HOOK2: variants seen among roughly 807,000 people sequenced by gnomAD.
The protein encoded by HOOK2 is hook microtubule tethering protein 2, also known as protein Hook homolog 2.
In HOOK2, 108 loss-of-function variants were observed where a neutral mutation model predicts 111.9. That is an observed-to-expected ratio of 0.96 (90% CI 0.83 to 1.13). The LOEUF (loss-of-function observed/expected upper bound fraction) is 1.13, where lower values mean the gene tolerates loss of function less well. Ranked by LOEUF, HOOK2 falls within the 50% of genes most tolerant of loss-of-function variation. The pLI, the probability that HOOK2 is intolerant of heterozygous loss-of-function variation, is 0.00. For missense variants in HOOK2, 978 were observed against 951.3 expected (o/e 1.03, Z -0.37); for synonymous variants, 405 against 394.3 (o/e 1.03, Z -0.32).
chr19:12,773,239 T>TTTTTTTTTTTTTTTTG, intron 3 of HOOK2, 195 bp from the exon 4 acceptor site: 1 of 496,822 alleles, frequency 2.0e-6, no homozygotes, highest in Non-Finnish European at 3.5e-6. Flanking sequence ...TTCTTTTTTT[T>TTTTTTTTTTTTTTTTG]TTTTTTTTTT....
At position 12,791,731 on chromosome 19, in the gene HOOK2, G is replaced by T; in HGVS notation, n.42-17506C>A. ...CGCTCGCTGCAGCGAGGCCCGGAGC[G>T]GCCCCGCAGGGACCCTCCCCAGACC... On this transcript the variant is annotated intron_variant and non_coding_transcript_variant, in intron 3 of 3. Transcript: ENST00000589765. The surrounding 1 kb of genome is among the most constrained non-coding windows in gnomAD (Gnocchi z 7.0). The T allele has an allele frequency of 7.0e-7, 1 of 1,433,406 alleles. No homozygotes were observed. Among genetic ancestry groups the T allele is most frequent in the South Asian group, 1.3e-5 (1 of 75,406 alleles). 88.8% of individuals were successfully genotyped at this position (1,433,406 alleles called of 1,614,324 possible).
At chr19:12,784,145 G>C (rs1462734642) in intron 3 of HOOK2, among the ~76,000 whole-genome samples, 1 of 152,150 alleles carries the variant, frequency 6.6e-6, no homozygotes, top group African/African-American at 2.4e-5. Context: ...AGACGGAGGA[G>C]GGTCAGCCCC....
At chr19:12,775,026 T>G (rs1003999423) in intron 1 of HOOK2, 129 bp from the exon 2 acceptor site, 13 of 1,114,296 alleles carry the variant, frequency 1.2e-5, no homozygotes, top group Non-Finnish European at 1.7e-5. Context: ...ACAGCAGCTC[T>G]GCGAGGGACT....
At position 12,791,580 on chromosome 19, in the gene HOOK2, G is replaced by T; in HGVS notation, n.42-17355C>A. On this transcript the variant is annotated intron_variant and non_coding_transcript_variant, in intron 3 of 3. Transcript: ENST00000589765. This position sits in a 1 kb window ranked among gnomAD's most constrained non-coding sequence, Gnocchi z 7.0. ...GGAAAGCTATCGCGCCAGAGAGGGC[G>T]ACGGGGGCTCGGGAAGCCTGACAGG... 1.9e-6 allele frequency: 1 copy of T among 514,938 alleles called. No individual in the cohort carries two copies. The highest frequency in any genetic ancestry group is 3.4e-6 in the Non-Finnish European group (1 of 294,944). The allele number at this position is 514,938 out of a possible 1,614,324, so 31.9% of individuals were successfully genotyped here.
rs1568374117 is a variant in HOOK2, at chr19:12,774,879, G to A, written c.64C>T (p.Pro22Ser). Residue 22 changes from proline (P) to serine (S), a missense_variant, in exon 2 of 23, where the codon CCG becomes TCG. Coordinates refer to ENST00000397668, the MANE Select transcript of HOOK2 (RefSeq NM_013312.3). ...LLTWLQTFHV[P>S]SPCASPQDLS... Reference sequence around the variant, plus strand: ...TCCTGAGGGCTGGCACAGGGAGACGGAACGTGGAACGTCTGTAACTGAGGG... The same window carrying A: ...TCCTGAGGGCTGGCACAGGGAGACGAAACGTGGAACGTCTGTAACTGAGGG... The A allele has an allele frequency of 3.7e-6, 6 of 1,613,970 alleles. No homozygotes were observed. Among genetic ancestry groups the A allele is most frequent in the Non-Finnish European group, 3.4e-6 (4 of 1,179,886 alleles).
chr19:12,772,012 G>C lies in HOOK2; in HGVS notation c.519+178C>G, dbSNP rs550812333. On this transcript the variant is annotated intron_variant, in intron 7 of 22. Transcript: ENST00000397668. The stretch of plus-strand genomic sequence containing the variant: ...GCTAGCACCCTGGAAGATGGGCGTG[G>C]CTTACAGGCTTAAGGACAAGCCCCT... The C allele has an allele frequency of 3.1e-3, 1,903 of 616,238 alleles. 7 individuals are homozygous for C. The highest frequency in any genetic ancestry group is 5.0e-3 in the Non-Finnish European group (1,702 of 340,004). 38.2% of individuals were successfully genotyped at this position (616,238 alleles called of 1,614,324 possible).
At position 12,767,835 on chromosome 19, in the gene HOOK2, C is replaced by T. The variant is rs764869703; in HGVS notation, c.1284G>A (p.Pro428=). Residue 428 remains proline, a synonymous_variant, in exon 13 of 23, where the codon CCG becomes CCA. Transcript: ENST00000397668. The stretch of plus-strand genomic sequence containing the variant: ...TCTCACCGGCCTGGGTCAACCCCCG[C>T]GGCTGCAGCTGGGCGCAGCGCAGCT... ...NEELRCAQLQ[P]RGLTQADPSL... 59 of 1,603,744 alleles carry T rather than the reference C, an allele frequency of 3.7e-5. 1 individual carries two copies. The highest frequency in any genetic ancestry group is 1.5e-4 in the South Asian group (14 of 90,982).
chr19:12,780,442 C>T (rs1392743375), upstream of HOOK2, among the ~76,000 whole-genome samples: 1 of 151,368 alleles, frequency 6.6e-6, no homozygotes, highest in African/African-American at 2.4e-5. Context: ...CTGCAAGCTC[C>T]GCCTCCCGGG....
upstream of HOOK2, chr19:12,775,681 C>T (rs1968485206): frequency 2.5e-6 from 1 of 402,516 alleles, no homozygotes. Flanking sequence ...TGGATCCGGG[C>T]ACCGTTCGGG....
chr19:12,774,825 C>T lies in HOOK2; in HGVS notation c.118G>A (p.Val40Met). ...DLSSGLAVAY[V>M]LNQIDPSWFN... ...AGCTCCACTCACATCTGGTTCAGCA[C>T]ATAGGCTACGGCAAGGCCGCTGCTC... The change falls in exon 2 of 23, where the codon GTG becomes ATG. Residue 40 changes from valine (V) to methionine (M), a missense_variant. Coordinates refer to ENST00000397668, the MANE Select transcript of HOOK2 (RefSeq NM_013312.3). 1 of 1,614,174 alleles carries T rather than the reference C, an allele frequency of 6.2e-7. No individual in the cohort carries two copies. The highest frequency in any genetic ancestry group is 8.5e-7 in the Non-Finnish European group (1 of 1,180,014).
intron 3 of HOOK2, among the ~76,000 whole-genome samples, chr19:12,785,315 C>G (rs1426569149): frequency 6.6e-6 from 1 of 150,968 alleles, no homozygotes; most frequent in Non-Finnish European, 1.5e-5. Context: ...CACACACACA[C>G]CAGATCGTAT....
chr19:12,777,931 T>C (rs1246947466), upstream of HOOK2, among the ~76,000 whole-genome samples: 1 of 152,260 alleles, frequency 6.6e-6, no homozygotes, highest in African/African-American at 2.4e-5. Flanking sequence ...ACATAGACTA[T>C]TGAATCCTCC....
Position 12,791,885 on chromosome 19 carries a change from C to A in HOOK2, n.42-17660G>T, listed in dbSNP as rs762774654. On this transcript the variant is annotated intron_variant and non_coding_transcript_variant, in intron 3 of 3. Coordinates refer to the HOOK2 transcript ENST00000589765. This position sits in a 1 kb window ranked among gnomAD's most constrained non-coding sequence, Gnocchi z 7.0. ...ACGACTACAAACTCCTGAAACCGAG[C>A]CTGGCGGTCAACCTGGCCGACCCCT... 6.2e-7 allele frequency: 1 copy of A among 1,613,386 alleles called. No homozygotes were observed. Among genetic ancestry groups the A allele is most frequent in the Non-Finnish European group, 8.5e-7 (1 of 1,179,908 alleles).
Position 12,775,511 on chromosome 19 carries a change from G to A in HOOK2, c.-62C>T, listed in dbSNP as rs1474269406. The A allele has an allele frequency of 1.4e-5, 22 of 1,558,058 alleles. No homozygotes were observed. The Admixed American group carries it at 3.5e-4, about 25-fold the overall frequency. On this transcript the variant is annotated 5_prime_UTR_variant, in exon 1 of 23. Coordinates refer to ENST00000397668, the MANE Select transcript of HOOK2 (RefSeq NM_013312.3). ...CGGCGCCGCAGCAGCCTCCGGGTCC[G>A]CCACCAGCGAGCGCCCGCAGCCCCG...
In HOOK2 at chr19:12,765,040, C is replaced by T. The variant is rs767518047; in HGVS notation, c.1682G>A (p.Arg561Gln). 1.2e-5 allele frequency: 20 copies of T among 1,614,058 alleles called. No individual in the cohort carries two copies. The highest frequency in any genetic ancestry group is 2.2e-5 in the East Asian group (1 of 44,880). ...TGGCTCCAGCTCCTCAATGTACTCC[C>T]GCTTCCTCTGCAACTCCAGATCTGC... ...HEADLELQRKREYIEELEPPT... is the reference protein window; with the variant it reads ...HEADLELQRKQEYIEELEPPT... Residue 561 changes from arginine to glutamine, a missense_variant, in exon 19 of 23, where the codon CGG becomes CAG. By Grantham distance (43) the Arg-to-Gln change is conservative (BLOSUM62 1). Transcript: ENST00000397668.
rs1968317909 is a variant in HOOK2, at chr19:12,771,178, AC to A, written c.741del (p.Gln247HisfsTer37). ...KLLLLQSQLEQLQEENFRLES... is the reference protein window; with the variant it reads ...KLLLLQSQLEXLQEENFRLES... ...CCACACCTGAAGTTCTCCTCCTGCAACTGCTCCAGCTGGGATTGCAGCAGCA... is the reference window on the plus strand; with the variant it reads ...CCACACCTGAAGTTCTCCTCCTGCAATGCTCCAGCTGGGATTGCAGCAGCA... On this transcript the variant is annotated frameshift_variant, in exon 9 of 23. Coordinates refer to ENST00000397668, the MANE Select transcript of HOOK2 (RefSeq NM_013312.3). LOFTEE classifies it high-confidence loss of function. The A allele has an allele frequency of 6.2e-7, 1 of 1,613,330 alleles. No individual in the cohort carries two copies. Among genetic ancestry groups the A allele is most frequent in the South Asian group, 1.1e-5 (1 of 90,928 alleles).
chr19:12,787,992 T>C lies in HOOK2; in HGVS notation n.42-13767A>G, dbSNP rs572854915. Among the ~76,000 whole-genome samples the C allele has an allele frequency of 6.6e-5, 10 of 152,034 alleles. No homozygotes were observed. In the South Asian group the frequency reaches 1.5e-3, roughly 22 times the overall value. The stretch of plus-strand genomic sequence containing the variant: ...ATCGCTTGAACCCAGGAGGCGGAGG[T>C]TGCAGTGAGCCAACATCATGCCATT... On this transcript the variant is annotated intron_variant and non_coding_transcript_variant, in intron 3 of 3. Transcript: ENST00000589765.
intron 1 of HOOK2, 193 bp downstream of exon 1, chr19:12,775,212 G>A (rs1414803067): frequency 1.3e-5 from 13 of 985,220 alleles, no homozygotes; most frequent in Non-Finnish European, 1.4e-5. Context: ...GAGGGGCGGG[G>A]CCTCACCTGT....
chr19:12,764,906 T>G lies in HOOK2; in HGVS notation c.1735A>C (p.Ile579Leu), dbSNP rs376648175. ...TGCAAGTTATGCTGCAGCTCCTCGA[T>G]CCGCCGGGCTGCTGGCGGAAGAGGT... The part of the protein sequence containing the change: ...PPTDSSTARR[I>L]EELQHNLQKK... Residue 579 changes from isoleucine to leucine, a missense_variant, in exon 20 of 23, where the codon ATC (isoleucine) becomes CTC (leucine). Transcript: ENST00000397668. 58 of 1,614,014 alleles carry G rather than the reference T, an allele frequency of 3.6e-5. No homozygotes were observed. Among genetic ancestry groups the G allele is most frequent in the Non-Finnish European group, 4.6e-5 (54 of 1,180,038 alleles).
Sources: gnomAD v4.1 joint callset for allele counts (sites outside exome capture counted in the v4.1 genomes callset) on GRCh38, gnomAD v4.1.1 for gene constraint, Gnocchi (gnomAD v3.1) non-coding constraint, MANE v1.5 for transcripts, NCBI Gene and HGNC (gene_info 2026-07-23, HGNC 2026-07-21) for gene names.